The following LNX1 variants were observed in gnomAD, a reference collection of about 807,000 sequenced individuals.
LNX1 encodes the protein ligand of numb-protein X 1.
In LNX1, 54 loss-of-function variants were observed where a neutral mutation model predicts 68.4. The observed-to-expected ratio is 0.79, with a 90% CI of 0.63 to 0.99. The LOEUF is 0.99. Among genes scored for constraint, LNX1 ranks in the 50% least tolerant of loss-of-function variants. The probability of loss-of-function intolerance (pLI) is 0.00; values close to 1 mark genes in which losing one functional copy is unlikely to be tolerated. For missense variants in LNX1, 906 were observed against 926.4 expected (o/e 0.98, Z 0.29); for synonymous variants, 336 against 350.0 (o/e 0.96, Z 0.45).
rs759585962 is a variant in LNX1, at chr4:53,460,958, A to G, written c.2136T>C (p.Leu712=). 2.3e-5 allele frequency: 37 copies of G among 1,610,842 alleles called. No homozygotes were observed. The African/African-American group carries it at 4.3e-4, about 19-fold the overall frequency. The change falls in exon 11 of 11, where the codon CTT becomes CTC. Residue 712 remains leucine, a synonymous_variant. Coordinates refer to ENST00000263925, the MANE Select transcript of LNX1 (RefSeq NM_001126328.3). ...CAATAGTTAGAGTAATTCTTCCTTTAAGTTCTTTCAGCAGTCTTGCCAAGC... is the reference window on the plus strand; with the variant it reads ...CAATAGTTAGAGTAATTCTTCCTTTGAGTTCTTTCAGCAGTCTTGCCAAGC... ...HACLARLLKE[L]KGRITLTIVS...
intron 2 of LNX1, among the ~76,000 whole-genome samples, chr4:53,616,349 C>G (rs970937442): frequency 2.6e-5 from 4 of 152,240 alleles, no homozygotes; most frequent in Non-Finnish European, 1.5e-5. Context: ...GGCACTGCAT[C>G]TAATTTCTAC....
chr4:53,481,742 C>T lies in LNX1; in HGVS notation c.1463G>A (p.Gly488Glu), dbSNP rs1357731446. The T allele has an allele frequency of 6.2e-7, 1 of 1,613,734 alleles. No individual in the cohort carries two copies. The highest frequency in any genetic ancestry group is 8.5e-7 in the Non-Finnish European group (1 of 1,179,842). Residue 488 changes from glycine (G) to glutamate (E), a missense_variant, in exon 7 of 11, where the codon GGG (glycine) becomes GAG (glutamate). Coordinates refer to ENST00000263925, the MANE Select transcript of LNX1 (RefSeq NM_001126328.3). Reference protein sequence around the residue: ...NSNGSWSPGPGERSNTPKPLH... With the variant: ...NSNGSWSPGPEERSNTPKPLH... The stretch of plus-strand genomic sequence containing the variant: ...CACCTTGGGAGTGTTGCTCCTCTCC[C>T]CTGGCCCTGGGGACCAGCTGCCATT...
chr4:53,586,320 A>G (rs1347406), intron 1 of LNX1, among the ~76,000 whole-genome samples: 109,279 of 152,070 alleles, frequency 0.72, 39,559 homozygotes, highest in Admixed American at 0.78. Flanking sequence ...GACTGTCAAA[A>G]GCAGTCATAA....
intron 1 of LNX1, among the ~76,000 whole-genome samples, chr4:53,574,363 A>G (rs1731357684): frequency 6.6e-6 from 1 of 152,256 alleles, no homozygotes; most frequent in African/African-American, 2.4e-5. Flanking sequence ...TATCTGGGAA[A>G]TGCCTAAAGT....
intron 6 of LNX1, among the ~76,000 whole-genome samples, chr4:53,495,548 CTTTT>C (rs199684639): frequency 1.7e-5 from 2 of 119,412 alleles, no homozygotes; most frequent in Admixed American, 1.7e-4. Flanking sequence ...CATGGCATAG[CTTTT>C]TTTTTTTTTA....
chr4:53,497,646 CA>C (rs1283236315), intron 5 of LNX1, among the ~76,000 whole-genome samples: 1 of 152,178 alleles, frequency 6.6e-6, no homozygotes, highest in Middle Eastern at 3.2e-3. Flanking sequence ...CCACAAGAAT[CA>C]AAATGTTTTG....
intron 2 of LNX1, among the ~76,000 whole-genome samples, chr4:53,598,500 T>C (rs1732857086): frequency 6.6e-6 from 1 of 152,162 alleles, no homozygotes; most frequent in Admixed American, 6.5e-5. Context: ...CCCAAAATGG[T>C]AGGACTAGAG....
chr4:53,550,913 G>A (rs1184341820), intron 2 of LNX1, among the ~76,000 whole-genome samples: 1 of 152,184 alleles, frequency 6.6e-6, no homozygotes, highest in East Asian at 1.9e-4. Flanking sequence ...AGAAAATGGA[G>A]GCAAGCAACC....
chr4:53,546,576 T>C (rs1265569711), intron 2 of LNX1, among the ~76,000 whole-genome samples: 1 of 152,220 alleles, frequency 6.6e-6, no homozygotes, highest in African/African-American at 2.4e-5. Context: ...CTGGCAGGGC[T>C]GAGTCATTTG....
At chr4:53,565,610 C>T (rs1451525249) in intron 2 of LNX1, among the ~76,000 whole-genome samples, 10 of 152,314 alleles carry the variant, frequency 6.6e-5, no homozygotes, top group South Asian at 4.2e-4. Context: ...TCCAAAGGAA[C>T]GCAGCTCCTC....
chr4:53,584,519 G>A (rs1732043072), intron 1 of LNX1, among the ~76,000 whole-genome samples: 1 of 152,192 alleles, frequency 6.6e-6, no homozygotes, highest in Non-Finnish European at 1.5e-5. Context: ...AACAATCAAG[G>A]AAAGTTAATG....
intron 5 of LNX1, chr4:53,496,595 C>A (rs1045379630): frequency 3.5e-5 from 20 of 568,246 alleles, no homozygotes; most frequent in Non-Finnish European, 6.1e-5. Context: ...CCTCTCCAGG[C>A]CTCTGTGAGT....
Position 53,478,577 on chromosome 4 carries a change from T to C in LNX1, c.1651A>G (p.Arg551Gly). The change falls in exon 8 of 11, where the codon AGA (arginine) becomes GGA (glycine). Residue 551 changes from arginine to glycine, a missense_variant. Physicochemically the swap from Arg to Gly is moderately radical, Grantham distance 125 (BLOSUM62 -2). Coordinates refer to ENST00000263925, the MANE Select transcript of LNX1 (RefSeq NM_001126328.3). ...EPGGVISRDGRIKTGDILLNV... is the reference protein window; with the variant it reads ...EPGGVISRDGGIKTGDILLNV... ...CTTTACTTTTTACCTGTTTTTATTC[T>C]TCCATCTCTGCTTATGACTCCTCCG... is the stretch of plus-strand genomic sequence containing the variant. 6.2e-7 allele frequency: 1 copy of C among 1,609,288 alleles called. No homozygotes were observed.
intron 1 of LNX1, among the ~76,000 whole-genome samples, chr4:53,626,724 A>G (rs924658335): frequency 8.5e-5 from 13 of 152,378 alleles, no homozygotes; most frequent in African/African-American, 2.6e-4. Context: ...AAAGAAGGAA[A>G]TGAGCTCTTC....
In LNX1 at chr4:53,476,859, C is replaced by T; in HGVS notation, c.1786G>A (p.Glu596Lys). The change falls in exon 9 of 11, where the codon GAG (glutamate) becomes AAG (lysine). Residue 596 changes from glutamate (E) to lysine (K), a missense_variant. Transcript: ENST00000263925. ...GGGCTGCTGCAGTCTTCCTGGGGCTCATACTCTTTGACTTCCAAAGCTTTG... is the reference window on the plus strand; with the variant it reads ...GGGCTGCTGCAGTCTTCCTGGGGCTTATACTCTTTGACTTCCAAAGCTTTG... Reference protein sequence around the residue: ...VLKALEVKEYEPQEDCSSPAA... With the variant: ...VLKALEVKEYKPQEDCSSPAA... 1 of 1,614,186 alleles carries T rather than the reference C, an allele frequency of 6.2e-7. No homozygotes were observed. Among genetic ancestry groups the T allele is most frequent in the South Asian group, 1.1e-5 (1 of 91,090 alleles).
chr4:53,466,668 A>G (rs1318177732), intron 9 of LNX1, among the ~76,000 whole-genome samples: 1 of 152,248 alleles, frequency 6.6e-6, no homozygotes, highest in Non-Finnish European at 1.5e-5. Context: ...TGGGCTTAAC[A>G]AACAGCACAC....
At chr4:53,536,531 A>G (rs1321515485) in intron 2 of LNX1, among the ~76,000 whole-genome samples, 1 of 152,162 alleles carries the variant, frequency 6.6e-6, no homozygotes, top group Non-Finnish European at 1.5e-5. Context: ...ACAAAAGCAC[A>G]TTACAAAAAA....
At chr4:53,552,450 G>T (rs1560661452) in intron 2 of LNX1, among the ~76,000 whole-genome samples, 1 of 152,166 alleles carries the variant, frequency 6.6e-6, no homozygotes, top group East Asian at 1.9e-4. Flanking sequence ...GCTCATGAGG[G>T]TTTGGTGTGT....
chr4:53,623,591 G>A (rs1218473455), intron 1 of LNX1, among the ~76,000 whole-genome samples: 2 of 151,998 alleles, frequency 1.3e-5, no homozygotes, highest in African/African-American at 4.8e-5. Context: ...TAAGAGTATT[G>A]TGATTTAGTG....
Sources: gnomAD v4.1 joint callset for allele counts (sites outside exome capture counted in the v4.1 genomes callset) on GRCh38, gnomAD v4.1.1 for gene constraint, MANE v1.5 for transcripts, NCBI Gene and HGNC (gene_info 2026-07-23, HGNC 2026-07-21) for gene names.